Variants in PARD3 observed in about 807,000 individuals in gnomAD.
PARD3 encodes partitioning defective 3 homolog.
A neutral mutation model predicts 155.4 loss-of-function variants in PARD3; 75 were observed. The observed-to-expected ratio is 0.48, with a 90% CI of 0.40 to 0.58. The LOEUF is 0.58. Ranked by LOEUF, PARD3 falls within the 20% of genes least tolerant of loss-of-function variation. The pLI, the probability that PARD3 is intolerant of heterozygous loss-of-function variation, is 0.00. For missense variants in PARD3, 1,642 were observed against 1,721.7 expected, an observed-to-expected ratio of 0.95 and a Z score of 0.82; for synonymous variants, 576 against 610.5, an observed-to-expected ratio of 0.94 and a Z score of 0.83.
At chr10:34,409,425 C>T (rs1564680790) in intron 5 of PARD3, among the ~76,000 whole-genome samples, 1 of 152,188 alleles carries the variant, frequency 6.6e-6, no homozygotes, top group East Asian at 1.9e-4. Flanking sequence ...TCACATTCTT[C>T]TTCCATTTTG....
chr10:34,761,415 T>C (rs1239842700), intron 1 of PARD3, among the ~76,000 whole-genome samples: 2 of 152,034 alleles, frequency 1.3e-5, no homozygotes, highest in East Asian at 3.9e-4. Context: ...TGTCAAAAAA[T>C]AAAAGGAATC....
At chr10:34,552,285 C>T (rs892653094) in intron 2 of PARD3, among the ~76,000 whole-genome samples, 2 of 152,142 alleles carry the variant, frequency 1.3e-5, no homozygotes, top group Non-Finnish European at 2.9e-5. Context: ...ATTTTTTTAT[C>T]TTTATGTAGA....
At chr10:34,490,510 T>G (rs983194214) in intron 3 of PARD3, among the ~76,000 whole-genome samples, 2 of 152,178 alleles carry the variant, frequency 1.3e-5, no homozygotes, top group African/African-American at 4.8e-5. Flanking sequence ...GTGCCCTTAA[T>G]CTATACATTC....
chr10:34,507,977 T>C (rs1033210282), intron 3 of PARD3, among the ~76,000 whole-genome samples: 2 of 152,200 alleles, frequency 1.3e-5, no homozygotes, highest in Non-Finnish European at 2.9e-5. Context: ...AAAATAGTAC[T>C]CTGATACCAG....
At chr10:34,199,654 A>T (rs538840330) in intron 22 of PARD3, among the ~76,000 whole-genome samples, 64 of 152,266 alleles carry the variant, frequency 4.2e-4, no homozygotes, top group African/African-American at 1.4e-3. Flanking sequence ...AATAGAATTT[A>T]AAAAAATAGG....
rs1224697638 is a variant in PARD3 at position 34,143,863 on chromosome 10, T to C, written c.3420-12280A>G. On this transcript the variant is annotated intron_variant, in intron 22 of 24. Transcript: ENST00000374788. Reference sequence around the variant, plus strand: ...TTGTATTACTGTTTTTAAAACATTTTAAAGATCATTAAAATATTCTTCCTG... The same window carrying C: ...TTGTATTACTGTTTTTAAAACATTTCAAAGATCATTAAAATATTCTTCCTG... Among the ~76,000 whole-genome samples, 4 of 152,190 alleles carry C rather than the reference T, an allele frequency of 2.6e-5. No homozygotes were observed. The East Asian group carries it at 7.7e-4, about 29-fold the overall frequency.
chr10:34,300,710 C>T (rs1194450671), intron 20 of PARD3, among the ~76,000 whole-genome samples: 1 of 151,924 alleles, frequency 6.6e-6, no homozygotes, highest in African/African-American at 2.4e-5. Context: ...ACTATAAGTA[C>T]TTTTCTTGTT....
chr10:34,803,070 G>GGAA (rs780681187), intron 1 of PARD3, among the ~76,000 whole-genome samples: 1 of 102,624 alleles, frequency 9.7e-6, no homozygotes, highest in African/African-American at 3.5e-5. Context: ...TACTAAAAAT[G>GGAA]AAAAAAAAAA....
chr10:34,146,473 CA>C (rs1948509825), intron 22 of PARD3, among the ~76,000 whole-genome samples: 1 of 152,152 alleles, frequency 6.6e-6, no homozygotes, highest in African/African-American at 2.4e-5. Context: ...TTGTAATCTA[CA>C]AAGCTCCAAA....
At chr10:34,472,282 C>A (rs947001115) in intron 3 of PARD3, among the ~76,000 whole-genome samples, 1 of 152,116 alleles carries the variant, frequency 6.6e-6, no homozygotes, top group Non-Finnish European at 1.5e-5. Flanking sequence ...ACATTCATGA[C>A]AACCTTTGCT....
intron 22 of PARD3, among the ~76,000 whole-genome samples, chr10:34,170,028 C>T (rs1949714195): frequency 6.6e-6 from 1 of 152,234 alleles, no homozygotes; most frequent in African/African-American, 2.4e-5. Context: ...ACTCAATCCA[C>T]AAACTCAAGT....
chr10:34,312,453 C>A (rs888600498), intron 20 of PARD3: 39 of 1,496,078 alleles, frequency 2.6e-5, no homozygotes, highest in Non-Finnish European at 3.6e-5. Flanking sequence ...TGTGTTTGTT[C>A]TTTTCTCAAA....
chr10:34,429,390 T>TA (rs1490568639), intron 5 of PARD3, among the ~76,000 whole-genome samples: 2 of 138,780 alleles, frequency 1.4e-5, no homozygotes, highest in Non-Finnish European at 3.2e-5. Flanking sequence ...AATAAAAATC[T>TA]TTTTTTTTTT....
At chr10:34,119,026 G>A (rs1946835548) in intron 24 of PARD3, among the ~76,000 whole-genome samples, 2 of 152,278 alleles carry the variant, frequency 1.3e-5, no homozygotes, top group African/African-American at 2.4e-5. Flanking sequence ...GGGCCAAGGC[G>A]TCTCCCCTGG....
At chr10:34,410,072 T>G (rs1030206455) in intron 5 of PARD3, among the ~76,000 whole-genome samples, 3 of 152,164 alleles carry the variant, frequency 2.0e-5, no homozygotes, top group African/African-American at 7.2e-5. Flanking sequence ...AAAACTGTCT[T>G]GTAACTATTA....
chr10:34,359,933 C>A, intron 13 of PARD3, 138 bp downstream of exon 13: 2 of 647,170 alleles, frequency 3.1e-6, no homozygotes, highest in Non-Finnish European at 2.7e-6. Flanking sequence ...ACTGATACAC[C>A]TAGTTGTTTA....
At chr10:34,186,801 C>T (rs982592009) in intron 22 of PARD3, among the ~76,000 whole-genome samples, 1 of 152,138 alleles carries the variant, frequency 6.6e-6, no homozygotes, top group Non-Finnish European at 1.5e-5. Flanking sequence ...CTCCTGTATT[C>T]TTAATGGCTG....
chr10:34,801,354 T>G (rs1262120087), intron 1 of PARD3, among the ~76,000 whole-genome samples: 5 of 152,136 alleles, frequency 3.3e-5, no homozygotes, highest in African/African-American at 4.8e-5. Flanking sequence ...CTTCCCTAAA[T>G]GCATATGGGG....
intron 2 of PARD3, among the ~76,000 whole-genome samples, chr10:34,542,810 A>G (rs1051279168): frequency 1.3e-5 from 2 of 152,238 alleles, no homozygotes; most frequent in African/African-American, 2.4e-5. Context: ...GGAACAAGGC[A>G]TCATCATTTA....
Sources: gnomAD v4.1 joint callset for allele counts (sites outside exome capture counted in the v4.1 genomes callset) on GRCh38, gnomAD v4.1.1 for gene constraint, MANE v1.5 for transcripts, NCBI Gene and HGNC (gene_info 2026-07-23, HGNC 2026-07-21) for gene names.